Variants in TLR7 observed in about 807,000 individuals in gnomAD.
TLR7 encodes the protein toll-like receptor 7.
TLR7 carries 12 observed loss-of-function variants against 38.3 expected under a neutral mutation model. The ratio of observed to expected loss-of-function variants is 0.31; its 90% confidence interval spans 0.20 to 0.51. The LOEUF is 0.51. Ranked by LOEUF, TLR7 falls within the 20% of genes least tolerant of loss-of-function variation. TLR7 has a pLI of 0.98. For synonymous variants in TLR7, 285 were observed against 293.8 expected (o/e 0.97, Z 0.31); for missense variants, 504 against 743.4 (o/e 0.68, Z 3.74).
chrX:12,885,381 T>C, intron 2 of TLR7, 131 bp from the exon 3 acceptor site: 1 of 596,928 alleles, frequency 1.7e-6, no homozygotes, highest in East Asian at 3.3e-5. Context: ...GGATGCTGTT[T>C]AGACAGCTGA....
At chrX:12,868,342 G>A (rs1019314594) in intron 2 of TLR7, among the ~76,000 whole-genome samples, 2 of 111,995 alleles carry the variant, frequency 1.8e-5, no homozygotes, top group Non-Finnish European at 3.8e-5. Flanking sequence ...ATACCAAGAG[G>A]AGTGGATTAT....
At position 12,867,945 on chromosome X, in the gene TLR7, G is replaced by A. The variant is rs1485961884; in HGVS notation, c.3+364G>A. ...CTTTGTGCTTTTTCCAGCATATGGT[G>A]TTGTCTTAATGACTGTGTGGATGAA... On this transcript the variant is annotated intron_variant, in intron 2 of 2. Coordinates refer to ENST00000380659, the MANE Select transcript of TLR7 (RefSeq NM_016562.4). Among the ~76,000 whole-genome samples, 3 of 112,705 alleles carry A rather than the reference G, an allele frequency of 2.7e-5. No homozygotes were observed. In the Admixed American group the frequency reaches 2.8e-4, roughly 11 times the overall value.
Position 12,886,836 on chromosome X carries a change from G to T in TLR7, c.1328G>T (p.Gly443Val). ...CCTTCAGGAGATTCAAGTGAAGTTGGCTTCTGCTCAAATGCCAGAACTTCT... is the reference window on the plus strand; with the variant it reads ...CCTTCAGGAGATTCAAGTGAAGTTGTCTTCTGCTCAAATGCCAGAACTTCT... Reference protein sequence around the residue: ...ISPSGDSSEVGFCSNARTSVE... With the variant: ...ISPSGDSSEVVFCSNARTSVE... Residue 443 changes from glycine to valine, a missense_variant, in exon 3 of 3, where the codon GGC becomes GTC. By Grantham distance (109) the Gly-to-Val change is moderately radical. Transcript: ENST00000380659. The T allele has an allele frequency of 8.3e-7, 1 of 1,210,299 alleles. No individual in the cohort carries two copies.
chrX:12,873,132 C>T (rs1569107071), intron 2 of TLR7, among the ~76,000 whole-genome samples: 1 of 111,821 alleles, frequency 8.9e-6, no homozygotes, highest in East Asian at 2.8e-4. Context: ...GGGGCCTTTG[C>T]TCCAGGCTAA....
intron 2 of TLR7, among the ~76,000 whole-genome samples, chrX:12,880,236 C>T (rs969892733): frequency 1.4e-4 from 16 of 111,860 alleles, no homozygotes; most frequent in African/African-American, 4.9e-4. Flanking sequence ...TGGCTGGGTC[C>T]TTGGTGTGTC....
At chrX:12,872,529 G>A (rs1252433550) in intron 2 of TLR7, among the ~76,000 whole-genome samples, 1 of 109,042 alleles carries the variant, frequency 9.2e-6, no homozygotes, top group African/African-American at 3.4e-5. Flanking sequence ...AAGCAAGTGG[G>A]TGAGAGAAAG....
chrX:12,879,995 G>A (rs1021266516), intron 2 of TLR7, among the ~76,000 whole-genome samples: 4 of 111,893 alleles, frequency 3.6e-5, no homozygotes, highest in African/African-American at 6.5e-5. Flanking sequence ...TAAGAACAAC[G>A]TACAGTTCAG....
At chrX:12,873,091 TTTTGTGAATA>T (rs1216526204) in intron 2 of TLR7, among the ~76,000 whole-genome samples, 9 of 111,762 alleles carry the variant, frequency 8.1e-5, no homozygotes, top group African/African-American at 2.9e-4. Context: ...CCGTTGCCAT[TTTTGTGAATA>T]TTCTAGCATG....
chrX:12,877,164 TG>T (rs1362492799), intron 2 of TLR7, among the ~76,000 whole-genome samples: 1 of 111,666 alleles, frequency 9.0e-6, no homozygotes, highest in Admixed American at 9.5e-5. Context: ...CTTCTCTAGA[TG>T]GTCTTTTGGG....
intron 2 of TLR7, among the ~76,000 whole-genome samples, chrX:12,879,593 G>T (rs150355124): frequency 2.0e-3 from 223 of 111,209 alleles, no homozygotes; most frequent in African/African-American, 7.1e-3. Flanking sequence ...CATGTGCATT[G>T]CCCAAGATGG....
rs1474177631 is a variant in TLR7 at position 12,867,589 on chromosome X, C to T, written c.3+8C>T. ...GGAAGAAGACTAAAAATGGTAAGAA[C>T]AGCTCAGAGAACCTTAAAAAGTGTT... is the stretch of plus-strand genomic sequence containing the variant. On this transcript the variant is annotated splice_region_variant and intron_variant, in intron 2 of 2. Coordinates refer to ENST00000380659, the MANE Select transcript of TLR7 (RefSeq NM_016562.4). 2.5e-6 allele frequency: 3 copies of T among 1,204,569 alleles called. No homozygotes were observed. Among genetic ancestry groups the T allele is most frequent in the East Asian group, 3.0e-5 (1 of 33,676 alleles).
intron 2 of TLR7, among the ~76,000 whole-genome samples, chrX:12,871,971 G>T (rs1209025280): frequency 8.9e-6 from 1 of 111,853 alleles, no homozygotes; most frequent in Non-Finnish European, 1.9e-5. Flanking sequence ...TAATAGACTG[G>T]CAGGGGCATG....
At position 12,886,465 on chromosome X, in the gene TLR7, G is replaced by T. The variant is rs1328383069; in HGVS notation, c.957G>T (p.Leu319=). 8.3e-7 allele frequency: 1 copy of T among 1,211,948 alleles called. No homozygotes were observed. The highest frequency in any genetic ancestry group is 2.2e-5 in the Admixed American group (1 of 46,044). The change falls in exon 3 of 3, where the codon CTG becomes CTT. Residue 319 remains leucine (L), a synonymous_variant. Coordinates refer to ENST00000380659, the MANE Select transcript of TLR7 (RefSeq NM_016562.4). The stretch of plus-strand genomic sequence containing the variant: ...AGAACATCAACAAACTCCAGGAACT[G>T]GATCTGTCCCAAAACTTCTTGGCCA... ...WFKNINKLQE[L]DLSQNFLAKE... is the part of the protein sequence containing the mutation.
At chrX:12,881,783 C>T (rs1459423314) in intron 2 of TLR7, among the ~76,000 whole-genome samples, 1 of 110,589 alleles carries the variant, frequency 9.0e-6, no homozygotes. Flanking sequence ...CCAAAGGTTT[C>T]GGATAAGGGA....
At chrX:12,872,785 C>T (rs2042857670) in intron 2 of TLR7, among the ~76,000 whole-genome samples, 1 of 109,152 alleles carries the variant, frequency 9.2e-6, no homozygotes, top group African/African-American at 3.3e-5. Context: ...CGCCCTCCAG[C>T]ACTGCTACCT....
Position 12,886,382 on chromosome X carries a change from T to C in TLR7, c.874T>C (p.Leu292=). 2 of 1,211,784 alleles carry C rather than the reference T, an allele frequency of 1.7e-6. No individual in the cohort carries two copies. The highest frequency in any genetic ancestry group is 2.2e-6 in the Non-Finnish European group (2 of 895,502). ...AAATGCTTTTGATGCGCTGACAGAA[T>C]TAAAAGTTTTACGTCTACACAGTAA... is the stretch of plus-strand genomic sequence containing the variant. ...PVNAFDALTE[L]KVLRLHSNSL... Residue 292 remains leucine, a synonymous_variant, in exon 3 of 3, where the codon TTA becomes CTA. Coordinates refer to ENST00000380659, the MANE Select transcript of TLR7 (RefSeq NM_016562.4).
At chrX:12,872,948 C>T (rs1383319252) in intron 2 of TLR7, among the ~76,000 whole-genome samples, 2 of 110,629 alleles carry the variant, frequency 1.8e-5, no homozygotes, top group African/African-American at 6.6e-5. Flanking sequence ...ATTTGCAATG[C>T]ATCTGCATTC....
chrX:12,873,551 A>T (rs1007621645), intron 2 of TLR7, among the ~76,000 whole-genome samples: 1 of 111,615 alleles, frequency 9.0e-6, no homozygotes, highest in African/African-American at 3.3e-5. Flanking sequence ...TTTCCTCTGT[A>T]ATTTGATTTT....
chrX:12,884,068 C>T (rs1419370288), intron 2 of TLR7, among the ~76,000 whole-genome samples: 1 of 111,521 alleles, frequency 9.0e-6, no homozygotes, highest in Non-Finnish European at 1.9e-5. Flanking sequence ...CAACCTCAAA[C>T]TCTTGGGCTT....
Sources: gnomAD v4.1 joint callset for allele counts (sites outside exome capture counted in the v4.1 genomes callset) on GRCh38, gnomAD v4.1.1 for gene constraint, MANE v1.5 for transcripts, NCBI Gene and HGNC (gene_info 2026-07-23, HGNC 2026-07-21) for gene names.